The following SLC7A11 variants were observed in gnomAD, a reference collection of about 807,000 sequenced individuals.
The protein encoded by SLC7A11 is solute carrier family 7 member 11.
In SLC7A11, 35 loss-of-function variants were observed where a neutral mutation model predicts 54.5. That is an observed-to-expected ratio of 0.64 (90% CI 0.49 to 0.85). The LOEUF is 0.85. Among genes scored for constraint, SLC7A11 ranks in the 40% least tolerant of loss-of-function variants. SLC7A11 has a pLI of 0.00. For missense variants in SLC7A11, 583 were observed against 618.1 expected (o/e 0.94, Z 0.60); for synonymous variants, 230 against 225.2 (o/e 1.02, Z -0.19).
chr4:138,196,676 TTAGACAG>T (rs1737139895), intron 6 of SLC7A11, among the ~76,000 whole-genome samples: 1 of 150,372 alleles, frequency 6.7e-6, no homozygotes, highest in South Asian at 2.1e-4. Flanking sequence ...TTATTATTTT[TTAGACAG>T]AGCCTCACTC....
intron 10 of SLC7A11, among the ~76,000 whole-genome samples, chr4:138,180,159 G>A (rs1171840773): frequency 6.6e-6 from 1 of 151,968 alleles, no homozygotes; most frequent in Non-Finnish European, 1.5e-5. Flanking sequence ...TATTCTTTTT[G>A]GAGTGTATAA....
intron 5 of SLC7A11, 102 bp from the exon 6 acceptor site, chr4:138,214,731 A>G (rs1737638798): frequency 2.6e-6 from 1 of 387,110 alleles, no homozygotes; most frequent in Non-Finnish European, 4.7e-6. Context: ...TATGAAAACT[A>G]TAACAATACT....
In SLC7A11 at chr4:138,225,584, A is replaced by G. The variant is rs370499027; in HGVS notation, c.521-2260T>C. On this transcript the variant is annotated intron_variant, in intron 3 of 11. Transcript: ENST00000280612. ...AATATAAGGCACTTATATATGGAAA[A>G]TAAGTTAGTGTAACTCTGCTCCCTG... Among the ~76,000 whole-genome samples, 135 of 152,220 alleles carry G rather than the reference A, an allele frequency of 8.9e-4. 2 individuals carry two copies. The highest frequency in any genetic ancestry group is 2.9e-3 in the African/African-American group (121 of 41,548).
chr4:138,200,878 A>G (rs1451762518), intron 6 of SLC7A11, among the ~76,000 whole-genome samples: 1 of 152,156 alleles, frequency 6.6e-6, no homozygotes, highest in East Asian at 1.9e-4. Context: ...CTTTGTACAC[A>G]CGGGTAATAT....
At position 138,179,483 on chromosome 4, in the gene SLC7A11, C is replaced by T. The variant is rs1299644835; in HGVS notation, c.1267-89G>A. The T allele has an allele frequency of 5.3e-6, 6 of 1,131,896 alleles. No individual in the cohort carries two copies. In the East Asian group the frequency reaches 1.5e-4, roughly 28 times the overall value. The allele number at this position is 1,131,896 out of a possible 1,614,324, so 70.1% of individuals were successfully genotyped here. ...ATGAGCGTGTCAGTCATGACATATACTTTAGTGATATGCTGTAGTCATGCG... is the reference window on the plus strand; with the variant it reads ...ATGAGCGTGTCAGTCATGACATATATTTTAGTGATATGCTGTAGTCATGCG... On this transcript the variant is annotated intron_variant, in intron 10 of 11. Transcript: ENST00000280612.
At chr4:138,220,042 T>C (rs4863774) in intron 4 of SLC7A11, among the ~76,000 whole-genome samples, 114,635 of 151,252 alleles carry the variant, frequency 0.76, 44,924 homozygotes, top group Middle Eastern at 0.89. Flanking sequence ...TGGGTTCAAG[T>C]GATTCTCCAG....
intron 6 of SLC7A11, among the ~76,000 whole-genome samples, chr4:138,188,190 G>C (rs1736922366): frequency 6.6e-6 from 1 of 152,082 alleles, no homozygotes; most frequent in Non-Finnish European, 1.5e-5. Context: ...CAGCCTCCCA[G>C]TAGCTGGGAT....
chr4:138,235,512 A>T (rs1057064181), intron 2 of SLC7A11, among the ~76,000 whole-genome samples: 3 of 152,170 alleles, frequency 2.0e-5, no homozygotes, highest in Non-Finnish European at 4.4e-5. Context: ...TGAACTCTCA[A>T]TCACATATGT....
Position 138,166,874 on chromosome 4 carries a change from ATTGTTATGAGG to A in SLC7A11, c.*5071_*5081del, listed in dbSNP as rs1224378110. 2.6e-5 allele frequency: 4 copies of A among 152,194 alleles called. No individual in the cohort carries two copies. Among genetic ancestry groups the A allele is most frequent in the African/African-American group, 9.6e-5 (4 of 41,460 alleles). The allele number at this position is 152,194 out of a possible 1,614,324, so 9.4% of individuals were successfully genotyped here. A position where few individuals can be genotyped will look rare whatever the true frequency, so the allele number is the denominator to read the frequency against. Reference sequence around the variant, plus strand: ...AAAATCTAGGTAATTATATAAATTCATTGTTATGAGGTTGTAGAAAGGACAGTTATCTCACG... The same window carrying A: ...AAAATCTAGGTAATTATATAAATTCATTGTAGAAAGGACAGTTATCTCACG... On this transcript the variant is annotated 3_prime_UTR_variant, in exon 12 of 12. Transcript: ENST00000280612.
intron 3 of SLC7A11, among the ~76,000 whole-genome samples, chr4:138,229,614 C>A (rs1464416822): frequency 6.6e-6 from 1 of 152,156 alleles, no homozygotes; most frequent in African/African-American, 2.4e-5. Context: ...GTTTTGTAAA[C>A]CCCAATATGG....
At chr4:138,208,752 T>C (rs187322739) in intron 6 of SLC7A11, among the ~76,000 whole-genome samples, 182 of 151,782 alleles carry the variant, frequency 1.2e-3, no homozygotes, top group Middle Eastern at 0.01. Context: ...ATATATTAAT[T>C]TGTGGAGTCA....
chr4:138,193,547 A>G (rs1737061599), intron 6 of SLC7A11, among the ~76,000 whole-genome samples: 1 of 152,154 alleles, frequency 6.6e-6, no homozygotes. Context: ...CACACCTGTA[A>G]TCCTAGCACT....
intron 3 of SLC7A11, among the ~76,000 whole-genome samples, chr4:138,226,037 TA>T (rs958907518): frequency 6.6e-6 from 1 of 152,120 alleles, no homozygotes; most frequent in South Asian, 2.1e-4. Context: ...ATTGAAATAT[TA>T]AAAAAACTGG....
chr4:138,213,924 C>T (rs1318362580), intron 6 of SLC7A11, among the ~76,000 whole-genome samples: 2 of 152,010 alleles, frequency 1.3e-5, no homozygotes, highest in African/African-American at 4.8e-5. Flanking sequence ...CTCTTTTGCC[C>T]ATGAATTATT....
At position 138,214,627 on chromosome 4, in the gene SLC7A11, A is replaced by G; in HGVS notation, c.749T>C (p.Phe250Ser). ...TTCTTCAGTAACAAAGTTGAGGTAA[A>G]ACCTAAAAATAGATAAATAAATTAT... The part of the protein sequence containing the change: ...YYGMYAYAGW[F>S]YLNFVTEEVE... Residue 250 changes from phenylalanine (F) to serine (S), a missense_variant and splice_region_variant, in exon 6 of 12, where the codon TTT (phenylalanine) becomes TCT (serine). Transcript: ENST00000280612. 1.5e-6 allele frequency: 2 copies of G among 1,330,220 alleles called. No homozygotes were observed. 82.4% of individuals were successfully genotyped at this position (1,330,220 alleles called of 1,614,324 possible).
chr4:138,190,281 C>CA (rs779453504), intron 6 of SLC7A11, among the ~76,000 whole-genome samples: 2 of 151,540 alleles, frequency 1.3e-5, no homozygotes, highest in Admixed American at 1.3e-4. Flanking sequence ...TTAAGAAGAA[C>CA]AAAAAATGGC....
chr4:138,164,970 A>G lies in SLC7A11; in HGVS notation c.*6986T>C, dbSNP rs952249348. The G allele has an allele frequency of 6.6e-6, 1 of 152,158 alleles. No homozygotes were observed. The highest frequency in any genetic ancestry group is 1.5e-5 in the Non-Finnish European group (1 of 68,018). The allele number at this position is 152,158 out of a possible 1,614,324, so 9.4% of individuals were successfully genotyped here. ...CTTCAAGGGTAACCTGAGTTCCAAGACTTTCCCACTGGGCTAAATGGACTC... is the reference window on the plus strand; with the variant it reads ...CTTCAAGGGTAACCTGAGTTCCAAGGCTTTCCCACTGGGCTAAATGGACTC... On this transcript the variant is annotated 3_prime_UTR_variant, in exon 12 of 12. Transcript: ENST00000280612.
chr4:138,240,895 T>A (rs1738360145), intron 1 of SLC7A11, among the ~76,000 whole-genome samples: 1 of 152,182 alleles, frequency 6.6e-6, no homozygotes, highest in Non-Finnish European at 1.5e-5. Context: ...ATTTGCCTAC[T>A]CCATAAGGGG....
rs1023283336 is a variant in SLC7A11 at position 138,180,655 on chromosome 4, G to A, written c.1252C>T (p.His418Tyr). The change falls in exon 10 of 12, where the codon CAT becomes TAT. Residue 418 changes from histidine (H) to tyrosine (Y), a missense_variant. Coordinates refer to ENST00000280612, the MANE Select transcript of SLC7A11 (RefSeq NM_014331.4). Reference sequence around the variant, plus strand: ...GCTGAGGTTACCTTGAAAGGACGATGCATATCTGGGCATTTGTATCGAAGA... The same window carrying A: ...GCTGAGGTTACCTTGAAAGGACGATACATATCTGGGCATTTGTATCGAAGA... ...IYLRYKCPDM[H>Y]RPFKVPLFIP... 13 of 1,612,734 alleles carry A rather than the reference G, an allele frequency of 8.1e-6. No homozygotes were observed. Among genetic ancestry groups the A allele is most frequent in the Non-Finnish European group, 1.0e-5 (12 of 1,179,326 alleles).
Sources: gnomAD v4.1 joint callset for allele counts (sites outside exome capture counted in the v4.1 genomes callset) on GRCh38, gnomAD v4.1.1 for gene constraint, MANE v1.5 for transcripts, NCBI Gene and HGNC (gene_info 2026-07-23, HGNC 2026-07-21) for gene names.